CAMLG: variants seen among roughly 807,000 people sequenced by gnomAD.
CAMLG encodes guided entry of tail-anchored proteins factor CAMLG.
A neutral mutation model predicts 28.9 loss-of-function variants in CAMLG; 23 were observed. The observed-to-expected ratio is 0.80, with a 90% CI of 0.57 to 1.13. The LOEUF (loss-of-function observed/expected upper bound fraction) is 1.13. Among genes scored for constraint, CAMLG ranks in the 50% most tolerant of loss-of-function variants. The pLI is 0.00. For synonymous variants in CAMLG, 141 were observed against 146.5 expected (o/e 0.96, Z 0.27); for missense variants, 367 against 371.9 (o/e 0.99, Z 0.11).
rs529260652 is a variant in CAMLG at position 134,750,109 on chromosome 5, T to C, written c.700-650T>C. Reference sequence around the variant, plus strand: ...CTCCTGTGAGCTCCTATGTCACACATTATCCATGTCAGTCATTTAGCAGTT... The same window carrying C: ...CTCCTGTGAGCTCCTATGTCACACACTATCCATGTCAGTCATTTAGCAGTT... On this transcript the variant is annotated intron_variant, in intron 3 of 3. Transcript: ENST00000297156. Among the ~76,000 whole-genome samples the C allele has an allele frequency of 3.3e-5, 5 of 152,368 alleles. No individual in the cohort carries two copies. In the South Asian group the frequency reaches 1.0e-3, roughly 32 times the overall value.
intron 1 of CAMLG, 148 bp downstream of exon 1, chr5:134,738,940 C>A: frequency 1.3e-6 from 1 of 778,020 alleles, no homozygotes; most frequent in Non-Finnish European, 2.1e-6. Context: ...GGTGATATCC[C>A]AAGTTCTCAT....
intron 3 of CAMLG, among the ~76,000 whole-genome samples, chr5:134,748,430 G>A (rs1348245012): frequency 2.6e-5 from 4 of 152,030 alleles, no homozygotes; most frequent in African/African-American, 4.8e-5. Flanking sequence ...CCCAGCTACC[G>A]GGGAGGCTGA....
At chr5:134,749,850 C>G (rs1162394251) in intron 3 of CAMLG, among the ~76,000 whole-genome samples, 2 of 152,170 alleles carry the variant, frequency 1.3e-5, no homozygotes, top group African/African-American at 4.8e-5. Flanking sequence ...GTAGATGGGA[C>G]TACAGGCTCA....
At position 134,738,684 on chromosome 5, in the gene CAMLG, CTG is replaced by C; in HGVS notation, c.66_67del (p.Ser23GlyfsTer48). 5.0e-6 allele frequency: 8 copies of C among 1,613,972 alleles called. No homozygotes were observed. The highest frequency in any genetic ancestry group is 6.8e-6 in the Non-Finnish European group (8 of 1,179,940). On this transcript the variant is annotated frameshift_variant, in exon 1 of 4. Transcript: ENST00000297156. LOFTEE classifies it high-confidence loss of function. ...ERPGVPAGSG[L>X]SASQRRAELR... ...GCCGGGGGTCCCAGCGGGCTCAGGT[CTG>C]TCGGCTTCCCAGCGTCGGGCGGAGC... is the stretch of plus-strand genomic sequence containing the variant.
chr5:134,745,511 G>A (rs1381580651), intron 3 of CAMLG, among the ~76,000 whole-genome samples: 1 of 151,862 alleles, frequency 6.6e-6, no homozygotes, highest in Non-Finnish European at 1.5e-5. Context: ...CAGCACTTTC[G>A]GAGGCTGAGG....
At chr5:134,742,900 G>A (rs568569482) in intron 2 of CAMLG, among the ~76,000 whole-genome samples, 4 of 152,110 alleles carry the variant, frequency 2.6e-5, no homozygotes, top group South Asian at 4.1e-4. Flanking sequence ...CAACACGCAC[G>A]GCTAATTTTT....
At chr5:134,746,202 A>G (rs1051298066) in intron 3 of CAMLG, among the ~76,000 whole-genome samples, 1 of 151,576 alleles carries the variant, frequency 6.6e-6, no homozygotes, top group Non-Finnish European at 1.5e-5. Context: ...CAATGTACTG[A>G]CAATGGTAAG....
At chr5:134,742,790 G>A (rs1339506225) in intron 2 of CAMLG, among the ~76,000 whole-genome samples, 17 of 151,994 alleles carry the variant, frequency 1.1e-4, no homozygotes, top group Admixed American at 1.1e-3. Flanking sequence ...CCAGGCTGGA[G>A]TGCAGTGATG....
At position 134,750,998 on chromosome 5, in the gene CAMLG, C is replaced by G; in HGVS notation, c.*48C>G. 1 of 1,345,728 alleles carries G rather than the reference C, an allele frequency of 7.4e-7. No homozygotes were observed. Among genetic ancestry groups the G allele is most frequent in the Non-Finnish European group, 1.0e-6 (1 of 961,944 alleles). 83.4% of individuals were successfully genotyped at this position (1,345,728 alleles called of 1,614,324 possible). On this transcript the variant is annotated 3_prime_UTR_variant, in exon 4 of 4. Transcript: ENST00000297156. ...AAGCTTACAAAAAAAAAAAAATCCT[C>G]TTCTATATTGCAGTGTCTCTAAAGG...
intron 3 of CAMLG, among the ~76,000 whole-genome samples, chr5:134,746,625 A>T (rs944421858): frequency 9.9e-5 from 15 of 151,942 alleles, no homozygotes; most frequent in African/African-American, 3.4e-4. Context: ...TACAGGTGTG[A>T]GTGACCACAC....
chr5:134,742,030 TAAC>T (rs1752992360), intron 2 of CAMLG, among the ~76,000 whole-genome samples: 1 of 152,136 alleles, frequency 6.6e-6, no homozygotes, highest in Non-Finnish European at 1.5e-5. Context: ...AAAAACAGTA[TAAC>T]AACTATTTAC....
rs1753103378 is a variant in CAMLG, at chr5:134,750,746, T to C, written c.700-13T>C. Reference sequence around the variant, plus strand: ...GAAACTTTGAAGATTAATTTGAGTCTTTCTCTACACAGAGTGAAAAGAAGA... The same window carrying C: ...GAAACTTTGAAGATTAATTTGAGTCCTTCTCTACACAGAGTGAAAAGAAGA... On this transcript the variant is annotated splice_polypyrimidine_tract_variant and intron_variant, in intron 3 of 3. Coordinates refer to ENST00000297156, the MANE Select transcript of CAMLG (RefSeq NM_001745.4). The C allele has an allele frequency of 1.3e-6, 2 of 1,594,206 alleles. No homozygotes were observed. Among genetic ancestry groups the C allele is most frequent in the East Asian group, 2.2e-5 (1 of 44,722 alleles).
intron 2 of CAMLG, among the ~76,000 whole-genome samples, chr5:134,743,569 TAAAA>T (rs879838738): frequency 7.6e-6 from 1 of 132,164 alleles, no homozygotes; most frequent in East Asian, 2.2e-4. Flanking sequence ...GACTCCATCT[TAAAA>T]AAAAAAAGCA....
chr5:134,745,426 G>A (rs1276294789), intron 3 of CAMLG, among the ~76,000 whole-genome samples: 1 of 127,880 alleles, frequency 7.8e-6, no homozygotes, highest in Admixed American at 8.7e-5. Flanking sequence ...GCGACAGAGC[G>A]AGACTCCTCA....
intron 1 of CAMLG, among the ~76,000 whole-genome samples, chr5:134,740,599 CTTTTTTTTG>C (rs1310404550): frequency 2.0e-5 from 3 of 151,776 alleles, no homozygotes; most frequent in African/African-American, 7.3e-5. Flanking sequence ...CAGCTTTTTT[CTTTTTTTTG>C]TTTTGAGATG....
rs150602092 is a variant in CAMLG, at chr5:134,750,394, C to T, written c.700-365C>T. On this transcript the variant is annotated intron_variant, in intron 3 of 3. Coordinates refer to ENST00000297156, the MANE Select transcript of CAMLG (RefSeq NM_001745.4). ...CTCTACTAAAAATACAAAAATTAGC[C>T]GGGCATGGTGGCAAGCACCTGTAAT... 8.5e-3 allele frequency among the ~76,000 whole-genome samples: 1,296 copies of T among 152,038 alleles called. 6 individuals are homozygous for T. The highest frequency in any genetic ancestry group is 0.041 in the Middle Eastern group (12 of 294).
At chr5:134,740,211 C>G (rs868756907) in intron 1 of CAMLG, among the ~76,000 whole-genome samples, 20 of 151,944 alleles carry the variant, frequency 1.3e-4, no homozygotes, top group African/African-American at 4.8e-4. Flanking sequence ...AAAACAAAAA[C>G]AAAAACAAAA....
chr5:134,746,239 AAAAC>A (rs1333019370), intron 3 of CAMLG, among the ~76,000 whole-genome samples: 3 of 148,520 alleles, frequency 2.0e-5, no homozygotes, highest in Non-Finnish European at 3.0e-5. Flanking sequence ...AAGAGAAAAA[AAAAC>A]AAAATTCAGA....
rs1445061259 is a variant in CAMLG, at chr5:134,751,022, G to A, written c.*72G>A. 2 of 1,188,872 alleles carry A rather than the reference G, an allele frequency of 1.7e-6. No homozygotes were observed. The highest frequency in any genetic ancestry group is 2.4e-6 in the Non-Finnish European group (2 of 837,640). 73.6% of individuals were successfully genotyped at this position (1,188,872 alleles called of 1,614,324 possible). A position where few individuals can be genotyped will look rare whatever the true frequency, so the allele number is the denominator to read the frequency against. The stretch of plus-strand genomic sequence containing the variant: ...TCTTCTATATTGCAGTGTCTCTAAA[G>A]GAGGCAAATTGGTTTACACCTTCAT... On this transcript the variant is annotated 3_prime_UTR_variant, in exon 4 of 4. Transcript: ENST00000297156.
Sources: allele counts gnomAD v4.1 joint callset (sites outside exome capture counted in the v4.1 genomes callset), GRCh38; gene constraint gnomAD v4.1.1; transcripts MANE v1.5; gene names NCBI Gene and HGNC (gene_info 2026-07-23, HGNC 2026-07-21).